The following VANGL1 variants were observed in gnomAD, a reference collection of about 807,000 sequenced individuals.
VANGL1 encodes the protein vang-like protein 1.
In VANGL1, 18 loss-of-function variants were observed where a neutral mutation model predicts 48.4. The observed-to-expected ratio is 0.37, with a 90% CI of 0.26 to 0.55. The LOEUF is 0.55. Ranked by LOEUF, VANGL1 falls within the 20% of genes least tolerant of loss-of-function variation. The pLI is 0.81. For missense variants in VANGL1, 667 were observed against 675.8 expected (o/e 0.99, Z 0.14); for synonymous variants, 257 against 261.8 (o/e 0.98, Z 0.18).
chr1:115,663,671 G>A lies in VANGL1; in HGVS notation c.215G>A (p.Trp72Ter). ...TRTEEVQDDNWGETTTAITGT... is the reference protein window; with the variant it reads ...TRTEEVQDDN ...TCTTCTCCCCACCAGGATGACAACT[G>A]GGGAGAGACCACCACGGCCATCACA... The change falls in exon 4 of 8, where the codon TGG becomes TAG. Residue 72 changes from tryptophan (W) to a stop codon, truncating the protein, a stop_gained. Coordinates refer to ENST00000355485, the MANE Select transcript of VANGL1 (RefSeq NM_138959.3). LOFTEE classifies it high-confidence loss of function. 6.2e-7 allele frequency: 1 copy of A among 1,614,146 alleles called. No individual in the cohort carries two copies. Among genetic ancestry groups the A allele is most frequent in the Non-Finnish European group, 8.5e-7 (1 of 1,180,042 alleles).
At chr1:115,652,377 G>A (rs1345597460) in intron 2 of VANGL1, among the ~76,000 whole-genome samples, 2 of 152,240 alleles carry the variant, frequency 1.3e-5, no homozygotes, top group Non-Finnish European at 2.9e-5. Context: ...TCAGTGAACA[G>A]ATAGGTGGCA....
intron 5 of VANGL1, among the ~76,000 whole-genome samples, chr1:115,683,148 ATTTG>A (rs1156385886): frequency 2.0e-5 from 2 of 97,688 alleles, no homozygotes; most frequent in Non-Finnish European, 4.4e-5. Context: ...CCTTTCAGTT[ATTTG>A]TTTGTTCATT....
intron 1 of VANGL1, among the ~76,000 whole-genome samples, chr1:115,649,524 G>A (rs1652068762): frequency 6.6e-6 from 1 of 152,178 alleles, no homozygotes; most frequent in African/African-American, 2.4e-5. Flanking sequence ...AAAGACAGAG[G>A]AACAAGCATT....
At chr1:115,666,182 G>A (rs4344329) in intron 4 of VANGL1, among the ~76,000 whole-genome samples, 27,357 of 152,132 alleles carry the variant, frequency 0.18, 2,868 homozygotes, top group African/African-American at 0.29. Context: ...GAGGTCTATG[G>A]TGGTTTTGTT....
rs985783150 is a variant in VANGL1 at position 115,685,174 on chromosome 1, G to A, written c.1080-119G>A. On this transcript the variant is annotated intron_variant, in intron 6 of 7. Transcript: ENST00000355485. ...AGGGACAGCTAAGGATGCAAGCAGC[G>A]TGATTGGGCCTTGGGTATGTTGGCA... The A allele has an allele frequency of 1.5e-4, 156 of 1,036,086 alleles. 2 individuals are homozygous for A. The Admixed American group carries it at 2.4e-3, about 16-fold the overall frequency. The allele number at this position is 1,036,086 out of a possible 1,614,324, so 64.2% of individuals were successfully genotyped here.
intron 4 of VANGL1, among the ~76,000 whole-genome samples, chr1:115,667,546 T>C (rs1652838341): frequency 6.6e-6 from 1 of 152,150 alleles, no homozygotes; most frequent in Non-Finnish European, 1.5e-5. Flanking sequence ...CCTCTTACAG[T>C]TGAGGTCCCC....
At chr1:115,663,206 C>T (rs1652634257) in intron 3 of VANGL1, among the ~76,000 whole-genome samples, 1 of 152,198 alleles carries the variant, frequency 6.6e-6, no homozygotes, top group Non-Finnish European at 1.5e-5. Flanking sequence ...GTAATACTCC[C>T]ACCTCCAAAA....
chr1:115,674,201 T>C (rs1021598843), intron 4 of VANGL1, among the ~76,000 whole-genome samples: 3 of 152,190 alleles, frequency 2.0e-5, no homozygotes, highest in Non-Finnish European at 4.4e-5. Flanking sequence ...ATTCATCTTG[T>C]AAGACTTAAC....
intron 2 of VANGL1, among the ~76,000 whole-genome samples, chr1:115,658,647 T>G (rs1652433722): frequency 6.6e-6 from 1 of 152,118 alleles, no homozygotes; most frequent in African/African-American, 2.4e-5. Context: ...AGGGCTGATG[T>G]CAAGGTGGCT....
intron 4 of VANGL1, among the ~76,000 whole-genome samples, chr1:115,681,320 T>C (rs572465195): frequency 2.1e-4 from 32 of 151,802 alleles, no homozygotes; most frequent in South Asian, 4.2e-4. Context: ...TTGTTGATGG[T>C]ACCTGTTCTT....
rs1272313643 is a variant in VANGL1, at chr1:115,696,638, T to C, written c.*5259T>C. 1 of 152,230 alleles carries C rather than the reference T, an allele frequency of 6.6e-6. No homozygotes were observed. The highest frequency in any genetic ancestry group is 2.4e-5 in the African/African-American group (1 of 41,464). The allele number at this position is 152,230 out of a possible 1,614,324, so 9.4% of individuals were successfully genotyped here. A position where few individuals can be genotyped will look rare whatever the true frequency, so the allele number is the denominator to read the frequency against. On this transcript the variant is annotated 3_prime_UTR_variant, in exon 8 of 8. Coordinates refer to ENST00000355485, the MANE Select transcript of VANGL1 (RefSeq NM_138959.3). ...AATAAAATTAAATTTCAGGGCTCTATAAGTCCCGTTTTCCCAGGTCCTGTT... is the reference window on the plus strand; with the variant it reads ...AATAAAATTAAATTTCAGGGCTCTACAAGTCCCGTTTTCCCAGGTCCTGTT...
intron 4 of VANGL1, among the ~76,000 whole-genome samples, chr1:115,675,841 G>T (rs997849682): frequency 6.6e-6 from 1 of 152,086 alleles, no homozygotes; most frequent in Non-Finnish European, 1.5e-5. Context: ...TTGGGAGATT[G>T]GACTGATGGA....
At chr1:115,665,143 T>G (rs907322464) in intron 4 of VANGL1, among the ~76,000 whole-genome samples, 2 of 152,210 alleles carry the variant, frequency 1.3e-5, no homozygotes, top group Non-Finnish European at 2.9e-5. Context: ...ACTTTGTGGT[T>G]AGTGGCCTAT....
In VANGL1 at chr1:115,691,403, T is replaced by TA. The variant is rs151052987; in HGVS notation, c.*34dup. 4.0e-3 allele frequency: 5,771 copies of TA among 1,455,494 alleles called. 89 individuals carry two copies. In the African/African-American group the frequency reaches 0.056, roughly 14 times the overall value. 90.2% of individuals were successfully genotyped at this position (1,455,494 alleles called of 1,614,324 possible). A position where few individuals can be genotyped will look rare whatever the true frequency, so the allele number is the denominator to read the frequency against. ...AAAAGTTCTATATTTGTGGCTTTATTAAAAAAAAAAGAAAAATATATAGAG... is the reference window on the plus strand; with the variant it reads ...AAAAGTTCTATATTTGTGGCTTTATTAAAAAAAAAAAGAAAAATATATAGAG... On this transcript the variant is annotated 3_prime_UTR_variant, in exon 8 of 8. Transcript: ENST00000355485.
Position 115,691,485 on chromosome 1 carries a change from C to T in VANGL1, c.*106C>T. On this transcript the variant is annotated 3_prime_UTR_variant, in exon 8 of 8. Transcript: ENST00000355485. The stretch of plus-strand genomic sequence containing the variant: ...TTTAAAAATTCTTCTTCATTGCTGA[C>T]TGAAACTGGCAGATGATTGACCAGT... The T allele has an allele frequency of 8.0e-7, 1 of 1,257,368 alleles. No homozygotes were observed. Among genetic ancestry groups the T allele is most frequent in the Non-Finnish European group, 1.1e-6 (1 of 926,748 alleles). The allele number at this position is 1,257,368 out of a possible 1,614,324, so 77.9% of individuals were successfully genotyped here. A position where few individuals can be genotyped will look rare whatever the true frequency, so the allele number is the denominator to read the frequency against.
At position 115,685,472 on chromosome 1, in the gene VANGL1, T is replaced by C; in HGVS notation, c.1259T>C (p.Met420Thr). The change falls in exon 7 of 8, where the codon ATG becomes ACG. Residue 420 changes from methionine (M) to threonine (T), a missense_variant. Coordinates refer to ENST00000355485, the MANE Select transcript of VANGL1 (RefSeq NM_138959.3). ...RITRQQNYHSMESILQHLAFC... is the reference protein window; with the variant it reads ...RITRQQNYHSTESILQHLAFC... ...ACCCGGCAGCAGAACTACCACAGCA[T>C]GGAGAGCATCCTGCAGCACCTGGCC... 8 of 1,614,116 alleles carry C rather than the reference T, an allele frequency of 5.0e-6. No homozygotes were observed. Among genetic ancestry groups the C allele is most frequent in the South Asian group, 1.1e-5 (1 of 91,066 alleles).
chr1:115,693,871 T>G lies in VANGL1; in HGVS notation c.*2492T>G, dbSNP rs1319359754. The G allele has an allele frequency of 6.6e-6, 1 of 152,242 alleles. No individual in the cohort carries two copies. Among genetic ancestry groups the G allele is most frequent in the African/African-American group, 2.4e-5 (1 of 41,468 alleles). The allele number at this position is 152,242 out of a possible 1,614,324, so 9.4% of individuals were successfully genotyped here. The stretch of plus-strand genomic sequence containing the variant: ...TTTTAAAAGGGGGTAAACTTCGCCC[T>G]AAGGCTGGTAGAATGTATGTTCACA... On this transcript the variant is annotated 3_prime_UTR_variant, in exon 8 of 8. Coordinates refer to ENST00000355485, the MANE Select transcript of VANGL1 (RefSeq NM_138959.3).
chr1:115,680,093 A>T (rs1295736875), intron 4 of VANGL1, among the ~76,000 whole-genome samples: 1 of 152,024 alleles, frequency 6.6e-6, no homozygotes, highest in Non-Finnish European at 1.5e-5. Context: ...AGGAATAAAG[A>T]AACACTTGCC....
intron 2 of VANGL1, among the ~76,000 whole-genome samples, chr1:115,654,257 A>G (rs1484841294): frequency 6.6e-6 from 1 of 151,960 alleles, no homozygotes; most frequent in Admixed American, 6.6e-5. Context: ...AAATGCACCA[A>G]ACTTGATATG....
Sources: gnomAD v4.1 joint callset for allele counts (sites outside exome capture counted in the v4.1 genomes callset) on GRCh38, gnomAD v4.1.1 for gene constraint, MANE v1.5 for transcripts, NCBI Gene and HGNC (gene_info 2026-07-23, HGNC 2026-07-21) for gene names.